The following TSR1 variants were observed in gnomAD, a reference collection of about 807,000 sequenced individuals.
TSR1 encodes TSR1 ribosome maturation factor, also known as pre-rRNA-processing protein TSR1 homolog.
A neutral mutation model predicts 90.9 loss-of-function variants in TSR1; 81 were observed. That is an observed-to-expected ratio of 0.89 (90% confidence interval 0.74 to 1.07). The LOEUF (loss-of-function observed/expected upper bound fraction) is 1.07, where lower values mean the gene tolerates loss of function less well. Among genes scored for constraint, TSR1 ranks in the 50% least tolerant of loss-of-function variants. The probability of loss-of-function intolerance (pLI) is 0.00; values close to 1 mark genes in which losing one functional copy is unlikely to be tolerated. For synonymous variants in TSR1, 362 were observed against 348.8 expected (o/e 1.04, Z -0.42); for missense variants, 989 against 987.3 (o/e 1.00, Z -0.02).
Position 2,333,560 on chromosome 17 carries a change from T to G in TSR1, c.1138A>C (p.Lys380Gln), listed in dbSNP as rs780594593. 2 of 1,614,118 alleles carry G rather than the reference T, an allele frequency of 1.2e-6. No homozygotes were observed. The highest frequency in any genetic ancestry group is 1.7e-6 in the Non-Finnish European group (2 of 1,180,018). ...WPTEEELSEA[K>Q]DFLKESSKVV... is the part of the protein sequence containing the mutation. ...AGACAAGTTTACCAATACTGACCCT[T>G]TGCCTCGCTCAGCTCCTCCTCAGTG... Residue 380 changes from lysine (K) to glutamine (Q), a missense_variant, in exon 6 of 15, where the codon AAG becomes CAG. Transcript: ENST00000301364.
rs915336744 is a variant in TSR1 at position 2,323,480 on chromosome 17, G to C, written c.*716C>G. 4 of 1,171,230 alleles carry C rather than the reference G, an allele frequency of 3.4e-6. No homozygotes were observed. The highest frequency in any genetic ancestry group is 4.9e-6 in the Non-Finnish European group (4 of 820,664). The allele number at this position is 1,171,230 out of a possible 1,614,324, so 72.6% of individuals were successfully genotyped here. ...CATGACATGGGAGGGTACCCTAGAT[G>C]TATTAATGACAACCCTCTTGACAGA... On this transcript the variant is annotated 3_prime_UTR_variant, in exon 15 of 15. Coordinates refer to ENST00000301364, the MANE Select transcript of TSR1 (RefSeq NM_018128.5).
intron 5 of TSR1, among the ~76,000 whole-genome samples, chr17:2,334,160 T>C (rs1398079844): frequency 1.3e-5 from 2 of 152,222 alleles, no homozygotes; most frequent in Admixed American, 1.3e-4. Flanking sequence ...CCACTGCTGG[T>C]CCGCACTCTA....
intron 11 of TSR1, 73 bp from the exon 12 acceptor site, chr17:2,325,493 C>A: frequency 8.4e-7 from 1 of 1,188,252 alleles, no homozygotes; most frequent in Non-Finnish European, 1.2e-6. Context: ...CTGTGAAAAG[C>A]TGTATTAGTG....
At position 2,336,406 on chromosome 17, in the gene TSR1, G is replaced by T; in HGVS notation, c.22C>A (p.Pro8Thr). MAAHRPG[P>T]LKQQNKAHKG... ...TGAGCTTTATTCTGCTGCTTGAGCG[G>T]GCCGGGGCGGTGGGCCGCCATGCCG... Residue 8 changes from proline to threonine, a missense_variant, in exon 1 of 15, where the codon CCG (proline) becomes ACG (threonine). Coordinates refer to ENST00000301364, the MANE Select transcript of TSR1 (RefSeq NM_018128.5). The T allele has an allele frequency of 6.2e-7, 1 of 1,612,026 alleles. No individual in the cohort carries two copies. Among genetic ancestry groups the T allele is most frequent in the Non-Finnish European group, 8.5e-7 (1 of 1,179,982 alleles).
At chr17:2,327,278 G>T (rs549732953) in intron 11 of TSR1, among the ~76,000 whole-genome samples, 1 of 151,602 alleles carries the variant, frequency 6.6e-6, no homozygotes, top group Non-Finnish European at 1.5e-5. Context: ...GTAGCTGGGC[G>T]TGGTGGCAGA....
In TSR1 at chr17:2,334,546, C is replaced by CT. The variant is rs1567785229; in HGVS notation, c.906dup (p.Asp303ArgfsTer12). The CT allele has an allele frequency of 6.2e-7, 1 of 1,614,194 alleles. No individual in the cohort carries two copies. The highest frequency in any genetic ancestry group is 1.7e-5 in the Admixed American group (1 of 60,022). Reference sequence around the variant, plus strand: ...AAAGGGAAAGGGTCTCCGGGGGCATCTATCTGTTTCATCTGGAAATCACCA... The same window carrying CT: ...AAAGGGAAAGGGTCTCCGGGGGCATCTTATCTGTTTCATCTGGAAATCACCA... On this transcript the variant is annotated frameshift_variant, in exon 5 of 15. Transcript: ENST00000301364. LOFTEE classifies it high-confidence loss of function.
At chr17:2,329,229 TACCTCTA>T in intron 11 of TSR1, 107 bp downstream of exon 11, 1 of 1,494,006 alleles carries the variant, frequency 6.7e-7, no homozygotes, top group Non-Finnish European at 9.3e-7. Flanking sequence ...GTACTGAAAA[TACCTCTA>T]ACCCAGAGAT....
chr17:2,336,245 C>A, intron 1 of TSR1, 86 bp downstream of exon 1: 1 of 1,602,630 alleles, frequency 6.2e-7, no homozygotes, highest in Non-Finnish European at 8.6e-7. Context: ...GGAGCCCAGA[C>A]GGGAGACAGA....
chr17:2,325,362 G>C lies in TSR1; in HGVS notation c.1962C>G (p.Val654=). The change falls in exon 12 of 15, where the codon GTC becomes GTG. Residue 654 remains valine (V), a synonymous_variant. Transcript: ENST00000301364. ...CAGGAGGAAAAGTGATTGGCGCATA[G>C]ACTGTCGCCACCAGGGCCATGTCAG... ...LTADMALVAT[V]YAPITFPPAS... is the part of the protein sequence containing the mutation. 1.2e-6 allele frequency: 2 copies of C among 1,613,716 alleles called. No individual in the cohort carries two copies. Among genetic ancestry groups the C allele is most frequent in the South Asian group, 1.1e-5 (1 of 90,926 alleles).
Position 2,324,075 on chromosome 17 carries a change from G to A in TSR1, c.*121C>T, listed in dbSNP as rs75933088. 518 of 1,376,752 alleles carry A rather than the reference G, an allele frequency of 3.8e-4. 3 individuals carry two copies. In the African/African-American group the frequency reaches 7.0e-3, roughly 19 times the overall value. 85.3% of individuals were successfully genotyped at this position (1,376,752 alleles called of 1,614,324 possible). A position where few individuals can be genotyped will look rare whatever the true frequency, so the allele number is the denominator to read the frequency against. Reference sequence around the variant, plus strand: ...TTTGTCAAGGCTAAAAAAAAGTCTTGCAAAATGGGGCAGTGGACTGACAGG... The same window carrying A: ...TTTGTCAAGGCTAAAAAAAAGTCTTACAAAATGGGGCAGTGGACTGACAGG... On this transcript the variant is annotated 3_prime_UTR_variant, in exon 15 of 15. Transcript: ENST00000301364.
chr17:2,323,510 G>A lies in TSR1; in HGVS notation c.*686C>T, dbSNP rs140095938. 1.7e-6 allele frequency: 2 copies of A among 1,146,394 alleles called. No individual in the cohort carries two copies. The highest frequency in any genetic ancestry group is 2.5e-6 in the Non-Finnish European group (2 of 803,386). 71.0% of individuals were successfully genotyped at this position (1,146,394 alleles called of 1,614,324 possible). A position where few individuals can be genotyped will look rare whatever the true frequency, so the allele number is the denominator to read the frequency against. On this transcript the variant is annotated 3_prime_UTR_variant, in exon 15 of 15. Coordinates refer to ENST00000301364, the MANE Select transcript of TSR1 (RefSeq NM_018128.5). ...AATGACAACCCTCTTGACAGAAGCA[G>A]AGTCAGAATTAAAGAAAAGCTTTGG...
chr17:2,334,947 A>C, intron 4 of TSR1, 51 bp from the exon 5 acceptor site: 1 of 1,553,200 alleles, frequency 6.4e-7, no homozygotes, highest in Non-Finnish European at 8.7e-7. Flanking sequence ...ATTACATAAA[A>C]ATCCCTCTGC....
intron 10 of TSR1, among the ~76,000 whole-genome samples, chr17:2,329,994 A>G (rs2075595656): frequency 1.3e-5 from 2 of 151,802 alleles, no homozygotes; most frequent in African/African-American, 2.4e-5. Context: ...ATCTTGGCTC[A>G]CCACAACCTC....
At chr17:2,330,247 C>T in intron 10 of TSR1, 3 of 582,168 alleles carry the variant, frequency 5.2e-6, no homozygotes, top group Non-Finnish European at 9.9e-6. Flanking sequence ...GGCTGCCAAC[C>T]CTTATTCAAA....
At position 2,330,964 on chromosome 17, in the gene TSR1, CTT is replaced by C; in HGVS notation, c.1640_1641del (p.Lys547ArgfsTer3). 1 of 1,592,836 alleles carries C rather than the reference CTT, an allele frequency of 6.3e-7. No individual in the cohort carries two copies. ...RKSIFKEVEE[K>X]EVEGAEVGWY... ...ATAGATACCTCAGCTCCTTCAACCT[CTT>C]TTTCTTCAACCTCTTTAAAGATGCT... On this transcript the variant is annotated frameshift_variant, in exon 9 of 15. Transcript: ENST00000301364. LOFTEE classifies it high-confidence loss of function.
rs1209885363 is a variant in TSR1, at chr17:2,328,613, CA to C, written c.1903+729del. Among the ~76,000 whole-genome samples, 3 of 138,188 alleles carry C rather than the reference CA, an allele frequency of 2.2e-5. No individual in the cohort carries two copies. The South Asian group carries it at 7.1e-4, about 33-fold the overall frequency. The allele number at this position is 138,188 out of a possible 152,430, so 90.7% of individuals were successfully genotyped here. On this transcript the variant is annotated intron_variant, in intron 11 of 14. Coordinates refer to ENST00000301364, the MANE Select transcript of TSR1 (RefSeq NM_018128.5). ...CCAAAAAAACAAACAAACAAACAAACAAAAAAAAACAAAAAAAACAAGAGGG... is the reference window on the plus strand; with the variant it reads ...CCAAAAAAACAAACAAACAAACAAACAAAAAAAACAAAAAAAACAAGAGGG...
intron 2 of TSR1, 80 bp from the exon 3 acceptor site, chr17:2,335,810 C>T (rs2064062685): frequency 6.8e-7 from 1 of 1,472,204 alleles, no homozygotes. Flanking sequence ...CCCACAGATG[C>T]TCCCCCTACC....
rs546842781 is a variant in TSR1, at chr17:2,322,897, T to C, written c.*1299A>G. The C allele has an allele frequency of 9.7e-5, 45 of 463,818 alleles. No homozygotes were observed. The highest frequency in any genetic ancestry group is 8.7e-4 in the African/African-American group (44 of 50,622). 28.7% of individuals were successfully genotyped at this position (463,818 alleles called of 1,614,324 possible). On this transcript the variant is annotated 3_prime_UTR_variant, in exon 15 of 15. Coordinates refer to ENST00000301364, the MANE Select transcript of TSR1 (RefSeq NM_018128.5). Reference sequence around the variant, plus strand: ...CTCCTACCTCAGCCTCTTGAGTAGCTGGGATTACAGGGGTCTGCCACCACG... The same window carrying C: ...CTCCTACCTCAGCCTCTTGAGTAGCCGGGATTACAGGGGTCTGCCACCACG...
chr17:2,334,660 C>G lies in TSR1; in HGVS notation c.793G>C (p.Glu265Gln). 1 of 1,613,750 alleles carries G rather than the reference C, an allele frequency of 6.2e-7. No individual in the cohort carries two copies. Among genetic ancestry groups the G allele is most frequent in the Non-Finnish European group, 8.5e-7 (1 of 1,180,044 alleles). The change falls in exon 5 of 15, where the codon GAG (glutamate) becomes CAG (glutamine). Residue 265 changes from glutamate (E) to glutamine (Q), a missense_variant. By Grantham distance (29) the Glu-to-Gln change is conservative (BLOSUM62 2). Transcript: ENST00000301364. ...TTCAAGGTGCCCACCAAGTTATTCT[C>G]TTCACTAGGAACAAAATCAACAGCA... is the stretch of plus-strand genomic sequence containing the variant. ...AHAVDFVPSEENNLVGTLKIS... is the reference protein window; with the variant it reads ...AHAVDFVPSEQNNLVGTLKIS...
Sources: gnomAD v4.1 joint callset for allele counts (sites outside exome capture counted in the v4.1 genomes callset) on GRCh38, gnomAD v4.1.1 for gene constraint, MANE v1.5 for transcripts, NCBI Gene and HGNC (gene_info 2026-07-23, HGNC 2026-07-21) for gene names.